OCRL: variants seen among roughly 807,000 people sequenced by gnomAD.
OCRL encodes OCRL inositol polyphosphate-5-phosphatase.
OCRL carries 8 observed loss-of-function variants against 78.9 expected under a neutral mutation model. That is an observed-to-expected ratio of 0.10 (90% CI 0.06 to 0.18). The LOEUF (loss-of-function observed/expected upper bound fraction) is 0.18. Among genes scored for constraint, OCRL ranks in the 10% least tolerant of loss-of-function variants. The pLI is 1.00. For missense variants in OCRL, 454 were observed against 696.7 expected (o/e 0.65, Z 3.92); for synonymous variants, 240 against 235.4 (o/e 1.02, Z -0.18).
chrX:129,565,322 T>C (rs1353392533), intron 12 of OCRL, among the ~76,000 whole-genome samples: 2 of 111,717 alleles, frequency 1.8e-5, no homozygotes, highest in Non-Finnish European at 3.8e-5. Flanking sequence ...CTTTTCTTAG[T>C]GGGTCCTGCC....
At chrX:129,567,111 AATTTC>A (rs1936226411) in intron 13 of OCRL, 138 bp from the exon 14 acceptor site, 7 of 492,356 alleles carry the variant, frequency 1.4e-5, no homozygotes, top group African/African-American at 1.2e-4. Context: ...AAGGTATAGA[AATTTC>A]ATTTATGTAC....
chrX:129,575,091 G>C lies in OCRL; in HGVS notation c.1603-49G>C, dbSNP rs780726003. Reference sequence around the variant, plus strand: ...AAATTGTTAGATAATCTCCAAGGGAGATGAGCTAGAAGGATATAAGACTGA... The same window carrying C: ...AAATTGTTAGATAATCTCCAAGGGACATGAGCTAGAAGGATATAAGACTGA... On this transcript the variant is annotated intron_variant, in intron 15 of 23. Transcript: ENST00000371113. 19 of 872,958 alleles carry C rather than the reference G, an allele frequency of 2.2e-5. No homozygotes were observed. In the South Asian group the frequency reaches 3.2e-4, roughly 15 times the overall value. The allele number at this position is 872,958 out of a possible 1,213,427, so 71.9% of individuals were successfully genotyped here. A position where few individuals can be genotyped will look rare whatever the true frequency, so the allele number is the denominator to read the frequency against.
chrX:129,547,369 C>T (rs1254857915), intron 3 of OCRL, among the ~76,000 whole-genome samples: 1 of 108,641 alleles, frequency 9.2e-6, no homozygotes, highest in East Asian at 2.9e-4. Flanking sequence ...ACTAAAAATA[C>T]AAAAAATTAG....
At chrX:129,576,669 A>G (rs1252401940) in intron 18 of OCRL, 117 bp downstream of exon 18, 4 of 551,749 alleles carry the variant, frequency 7.2e-6, no homozygotes, top group Non-Finnish European at 1.2e-5. Context: ...ATGTCAAATG[A>G]TAAAGAAGAA....
In OCRL at chrX:129,591,859, C is replaced by T. The variant is rs1171593293; in HGVS notation, c.*1589C>T. 1 of 113,201 alleles carries T rather than the reference C, an allele frequency of 8.8e-6. No individual in the cohort carries two copies. Among genetic ancestry groups the T allele is most frequent in the Admixed American group, 9.6e-5 (1 of 10,458 alleles). The allele number at this position is 113,201 out of a possible 1,213,427, so 9.3% of individuals were successfully genotyped here. On this transcript the variant is annotated 3_prime_UTR_variant, in exon 24 of 24. Transcript: ENST00000371113. ...GATAGGTCAGGGGCTAGGTGTTGAACTTAGTTAATGGAAGACTGAGAGCAG... is the reference window on the plus strand; with the variant it reads ...GATAGGTCAGGGGCTAGGTGTTGAATTTAGTTAATGGAAGACTGAGAGCAG...
At chrX:129,559,112 G>T in intron 8 of OCRL, 111 bp downstream of exon 8, 2 of 719,399 alleles carry the variant, frequency 2.8e-6, no homozygotes, top group Non-Finnish European at 4.1e-6. Context: ...TGATAAAAAG[G>T]AATGGTTGCC....
At chrX:129,548,518 G>A in intron 3 of OCRL, 45 bp from the exon 4 acceptor site, 1 of 1,063,983 alleles carries the variant, frequency 9.4e-7, no homozygotes, top group Non-Finnish European at 1.3e-6. Flanking sequence ...TGTAGTGAGT[G>A]GTTTTCTCTT....
intron 15 of OCRL, among the ~76,000 whole-genome samples, chrX:129,571,228 C>G (rs907347144): frequency 9.0e-6 from 1 of 111,478 alleles, no homozygotes; most frequent in Non-Finnish European, 1.9e-5. Context: ...TTTGAATTCT[C>G]TTAATCCATT....
At chrX:129,554,935 G>A (rs1296147934) in intron 4 of OCRL, among the ~76,000 whole-genome samples, 1 of 101,819 alleles carries the variant, frequency 9.8e-6, no homozygotes, top group Non-Finnish European at 2.0e-5. Flanking sequence ...CTGGGCAGTA[G>A]AGACTCCTTC....
At chrX:129,546,301 T>C (rs59209618) in intron 3 of OCRL, among the ~76,000 whole-genome samples, 1,195 of 112,145 alleles carry the variant, frequency 0.011, 19 homozygotes, top group African/African-American at 0.036. Context: ...TTAATGGCTA[T>C]ATACCATACC....
At chrX:129,585,434 T>C (rs1289596929) in intron 19 of OCRL, among the ~76,000 whole-genome samples, 1 of 112,250 alleles carries the variant, frequency 8.9e-6, no homozygotes, top group East Asian at 2.8e-4. Context: ...TTTTAAAAAG[T>C]ACATGAATCA....
intron 14 of OCRL, among the ~76,000 whole-genome samples, chrX:129,568,791 A>C (rs1936256829): frequency 1.8e-5 from 2 of 112,507 alleles, no homozygotes; most frequent in African/African-American, 3.2e-5. Context: ...CTCTCCAAAA[A>C]TTAAGCCCAG....
At chrX:129,581,833 C>G (rs1936445040) in intron 18 of OCRL, among the ~76,000 whole-genome samples, 1 of 84,824 alleles carries the variant, frequency 1.2e-5, no homozygotes, top group Non-Finnish European at 2.2e-5. Flanking sequence ...CTTTGTCTTT[C>G]TCTCTCTCTC....
intron 3 of OCRL, among the ~76,000 whole-genome samples, chrX:129,546,593 C>T (rs1401168965): frequency 8.9e-6 from 1 of 112,091 alleles, no homozygotes; most frequent in African/African-American, 3.2e-5. Context: ...GTGAGAGAGA[C>T]ATACTAAACA....
Position 129,540,374 on chromosome X carries a change from C to G in OCRL, c.-66C>G. ...CAGCCGAGGTGGGTGGGTGTGGGGACGCGGGAGCCAGTGTCGTCGGATCGG... is the reference window on the plus strand; with the variant it reads ...CAGCCGAGGTGGGTGGGTGTGGGGAGGCGGGAGCCAGTGTCGTCGGATCGG... On this transcript the variant is annotated 5_prime_UTR_variant, in exon 1 of 24. Transcript: ENST00000371113. The G allele has an allele frequency of 9.1e-7, 1 of 1,093,893 alleles. No individual in the cohort carries two copies. The highest frequency in any genetic ancestry group is 1.2e-6 in the Non-Finnish European group (1 of 817,218). 90.1% of individuals were successfully genotyped at this position (1,093,893 alleles called of 1,213,427 possible).
chrX:129,551,493 G>A (rs12389441), intron 4 of OCRL, among the ~76,000 whole-genome samples: 458 of 111,367 alleles, frequency 4.1e-3, no homozygotes, highest in African/African-American at 0.013. Context: ...GGAGTGCAGC[G>A]GTGCCATCTT....
At chrX:129,582,721 T>C (rs1391823870) in intron 18 of OCRL, among the ~76,000 whole-genome samples, 1 of 112,014 alleles carries the variant, frequency 8.9e-6, no homozygotes, top group Admixed American at 9.5e-5. Context: ...TTTCATGTGA[T>C]ATTTAAGAGT....
In OCRL at chrX:129,557,335, A is replaced by T. The variant is rs1175122358; in HGVS notation, c.249A>T (p.Lys83Asn). The change falls in exon 5 of 24, where the codon AAA becomes AAT. Residue 83 changes from lysine to asparagine, a missense_variant. Lys to Asn is a moderately conservative substitution (Grantham distance 94, BLOSUM62 0). This residue lies in a region of OCRL where 177 missense variants were observed against 179.6 expected (regional missense o/e 0.99). Transcript: ENST00000371113. ...TTCAATTCTTTTTAGGTGGCTGCAA[A>T]ATTCGGGTTCAGGGGGACTGGATCA... ...LIDIASNSGC[K>N]IRVQGDWIRE... 1 of 1,209,031 alleles carries T rather than the reference A, an allele frequency of 8.3e-7. No individual in the cohort carries two copies. The highest frequency in any genetic ancestry group is 1.1e-6 in the Non-Finnish European group (1 of 894,665).
At chrX:129,553,294 A>C (rs1935991105) in intron 4 of OCRL, 1 of 112,136 alleles carries the variant, frequency 8.9e-6, no homozygotes, top group African/African-American at 3.2e-5. Context: ...AACTTAAAGC[A>C]ATTTCAGATA....
Sources: gnomAD v4.1 joint callset for allele counts (sites outside exome capture counted in the v4.1 genomes callset) on GRCh38, gnomAD v4.1.1 for gene constraint, gnomAD v4.1.1 regional missense constraint, MANE v1.5 for transcripts, NCBI Gene and HGNC (gene_info 2026-07-23, HGNC 2026-07-21) for gene names.